Variants in SAMSN1 observed in about 807,000 individuals in gnomAD.
SAMSN1 encodes SAM domain, SH3 domain and nuclear localization signals 1.
Under a neutral mutation model 42.0 loss-of-function variants are expected in SAMSN1, and 31 were observed. The ratio of observed to expected loss-of-function variants is 0.74; its 90% CI spans 0.55 to 1.00. SAMSN1 has a LOEUF of 1.00. SAMSN1 is among the 50% of genes least tolerant of loss of function. The probability of loss-of-function intolerance (pLI) is 0.00; values close to 1 mark genes in which losing one functional copy is unlikely to be tolerated. For synonymous variants in SAMSN1, 178 were observed against 151.9 expected, an observed-to-expected ratio of 1.17 and a Z score of -1.26; for missense variants, 464 against 439.4, an observed-to-expected ratio of 1.06 and a Z score of -0.50.
At chr21:14,576,692 A>G (rs999692687) in intron 2 of SAMSN1, among the ~76,000 whole-genome samples, 3 of 152,222 alleles carry the variant, frequency 2.0e-5, no homozygotes, top group African/African-American at 7.2e-5. Flanking sequence ...TGATGAGTTC[A>G]TACAAGATTC....
At chr21:14,582,229 T>A (rs572521293) in exon 2 of SAMSN1, 1 of 1,550,916 alleles carries the variant, frequency 6.4e-7, no homozygotes, top group South Asian at 1.2e-5. Flanking sequence ...CAACTTGTGC[T>A]ATTTGGAAAT....
rs144395039 is a variant in SAMSN1 at position 14,608,660 on chromosome 21, G to A, written c.322+822C>T. ...CCCAGGCAGCACAGCTTGCAGCCTC[G>A]GGAGAGACTCCTTCCTTCTGCATAA... On this transcript the variant is annotated intron_variant, in intron 5 of 15. Transcript: ENST00000647101. Among the ~76,000 whole-genome samples the A allele has an allele frequency of 4.0e-3, 606 of 152,168 alleles. 18 individuals carry two copies. The South Asian group carries it at 0.054, about 14-fold the overall frequency.
chr21:14,518,371 A>G (rs1010577115), intron 2 of SAMSN1, among the ~76,000 whole-genome samples: 18 of 152,204 alleles, frequency 1.2e-4, no homozygotes, highest in African/African-American at 4.3e-4. Context: ...TTGAGTGTCT[A>G]GAGTACTTCC....
At chr21:14,585,456 A>G (rs932694829), upstream of SAMSN1, 2 of 152,210 alleles carry the variant, frequency 1.3e-5, no homozygotes, top group African/African-American at 4.8e-5. Context: ...GGAGAAAGGT[A>G]TTATATACCA....
chr21:14,582,532 T>G, intron 1 of SAMSN1: 1 of 705,912 alleles, frequency 1.4e-6, no homozygotes, highest in Non-Finnish European at 2.4e-6. Flanking sequence ...TTATAATTCT[T>G]CACATATAGG....
intron 7 of SAMSN1, among the ~76,000 whole-genome samples, chr21:14,494,803 C>A (rs140795763): frequency 0.014 from 2,106 of 151,860 alleles, 37 homozygotes; most frequent in Non-Finnish European, 0.02. Flanking sequence ...AGGAAAAATT[C>A]TTGCTTTAAA....
intron 3 of SAMSN1, among the ~76,000 whole-genome samples, chr21:14,513,833 G>A (rs1987793005): frequency 6.6e-6 from 1 of 152,186 alleles, no homozygotes; most frequent in Non-Finnish European, 1.5e-5. Context: ...CTTGGGTTGT[G>A]CAGGGAAAAC....
chr21:14,510,982 T>C (rs1277136287), intron 4 of SAMSN1, among the ~76,000 whole-genome samples: 1 of 152,206 alleles, frequency 6.6e-6, no homozygotes, highest in Non-Finnish European at 1.5e-5. Context: ...ATCCTTGTTG[T>C]CTGGTCCTCT....
intron 2 of SAMSN1, among the ~76,000 whole-genome samples, chr21:14,553,810 T>C (rs1355781096): frequency 6.6e-6 from 1 of 152,124 alleles, no homozygotes; most frequent in African/African-American, 2.4e-5. Context: ...TGTTTTTTCT[T>C]TCTTTTTCTC....
At chr21:14,612,475 ATGT>A in intron 4 of SAMSN1, 1 of 305,514 alleles carries the variant, frequency 3.3e-6, no homozygotes, top group Middle Eastern at 4.2e-4. Flanking sequence ...GGTGTGTGAA[ATGT>A]TGTAGAAGAG....
rs548068671 is a variant in SAMSN1 at position 14,502,513 on chromosome 21, T to C, written c.562-1778A>G. ...ATAAGACCCTTGATGGAAATAATAG[T>C]ATTTCAATTTTCATGGGTAACTGGG... is the stretch of plus-strand genomic sequence containing the variant. On this transcript the variant is annotated intron_variant, in intron 5 of 7. Coordinates refer to ENST00000400566, the MANE Select transcript of SAMSN1 (RefSeq NM_022136.5). Among the ~76,000 whole-genome samples, 5 of 152,292 alleles carry C rather than the reference T, an allele frequency of 3.3e-5. No individual in the cohort carries two copies. In the South Asian group the frequency reaches 1.0e-3, roughly 32 times the overall value.
chr21:14,624,328 G>C (rs923226375), intron 2 of SAMSN1, among the ~76,000 whole-genome samples: 3 of 152,090 alleles, frequency 2.0e-5, no homozygotes, highest in Non-Finnish European at 2.9e-5. Flanking sequence ...AAAAATCAAT[G>C]AATGCAGGAG....
chr21:14,519,385 A>G lies in SAMSN1; in HGVS notation c.129+1765T>C, dbSNP rs374806609. Among the ~76,000 whole-genome samples, 7 of 152,296 alleles carry G rather than the reference A, an allele frequency of 4.6e-5. No homozygotes were observed. The South Asian group carries it at 1.2e-3, about 27-fold the overall frequency. ...GAGCTATCTTGTACAGGTTAATTCC[A>G]GAATTATAAACTAAATAGCAGTAGA... On this transcript the variant is annotated intron_variant, in intron 2 of 7. Transcript: ENST00000400566.
At chr21:14,652,543 A>C (rs1179825026) in intron 1 of SAMSN1, among the ~76,000 whole-genome samples, 2 of 152,014 alleles carry the variant, frequency 1.3e-5, no homozygotes, top group Non-Finnish European at 2.9e-5. Context: ...ATAAAATCAA[A>C]ATGGATTCAA....
rs539094227 is a variant in SAMSN1, at chr21:14,600,825, A to T, written c.399+1198T>A. Among the ~76,000 whole-genome samples, 3 of 152,290 alleles carry T rather than the reference A, an allele frequency of 2.0e-5. No individual in the cohort carries two copies. The South Asian group carries it at 6.2e-4, about 32-fold the overall frequency. On this transcript the variant is annotated intron_variant, in intron 6 of 15. Coordinates refer to the SAMSN1 transcript ENST00000647101. The stretch of plus-strand genomic sequence containing the variant: ...AAATGAGACTGCTTGTTTCAGAGAT[A>T]ATCTTCCAGCTGTGCTTGTGCAAGT...
At chr21:14,634,200 A>T (rs974062718) in intron 2 of SAMSN1, among the ~76,000 whole-genome samples, 1 of 64,646 alleles carries the variant, frequency 1.5e-5, no homozygotes, top group African/African-American at 3.6e-5. Context: ...ACCCAAAACT[A>T]TAAAAAAAAC....
chr21:14,494,270 T>C (rs868420686), intron 7 of SAMSN1, among the ~76,000 whole-genome samples: 4 of 152,314 alleles, frequency 2.6e-5, no homozygotes, highest in African/African-American at 9.6e-5. Context: ...CATATGTTTA[T>C]TGCAGCACCA....
chr21:14,512,985 T>C (rs1269133453), intron 3 of SAMSN1, among the ~76,000 whole-genome samples: 2 of 152,234 alleles, frequency 1.3e-5, no homozygotes, highest in African/African-American at 4.8e-5. Context: ...GCTTAAACTC[T>C]GCATAGTTGT....
chr21:14,548,000 G>T (rs1384558301), upstream of SAMSN1, among the ~76,000 whole-genome samples: 1 of 152,068 alleles, frequency 6.6e-6, no homozygotes, highest in Non-Finnish European at 1.5e-5. Context: ...TGTTGAGGTG[G>T]GGTAATTCCC....
Sources: gnomAD v4.1 joint callset for allele counts (sites outside exome capture counted in the v4.1 genomes callset) on GRCh38, gnomAD v4.1.1 for gene constraint, MANE v1.5 for transcripts, NCBI Gene and HGNC (gene_info 2026-07-23, HGNC 2026-07-21) for gene names.